Variants in HLF observed in about 807,000 individuals in gnomAD.
HLF encodes hepatic leukemia factor.
Under a neutral mutation model 22.6 loss-of-function variants are expected in HLF, and 3 were observed. The ratio of observed to expected loss-of-function variants is 0.13; its 90% CI spans 0.06 to 0.34. The LOEUF is 0.34. Among genes scored for constraint, HLF ranks in the 10% least tolerant of loss-of-function variants. The pLI is 1.00. For synonymous variants in HLF, 151 were observed against 151.8 expected (o/e 0.99, Z 0.04); for missense variants, 299 against 389.2 (o/e 0.77, Z 1.95).
chr17:55,267,790 A>G lies in HLF; in HGVS notation c.155A>G (p.Asp52Gly). The change falls in exon 2 of 4, where the codon GAT (aspartate) becomes GGT (glycine). Residue 52 changes from aspartate (D) to glycine (G), a missense_variant. Asp to Gly is a moderately conservative substitution (Grantham distance 94). Transcript: ENST00000226067. Reference protein sequence around the residue: ...KDKDKEKKLDDESNSPTVPQS... With the variant: ...KDKDKEKKLDGESNSPTVPQS... ...AAAGACAAGGAAAAGAAGCTGGATG[A>G]TGAGAGTAACAGCCCGACGGTCCCC... 6.3e-7 allele frequency: 1 copy of G among 1,599,382 alleles called. No individual in the cohort carries two copies. The highest frequency in any genetic ancestry group is 8.6e-7 in the Non-Finnish European group (1 of 1,168,198).
intron 2 of HLF, among the ~76,000 whole-genome samples, chr17:55,304,172 T>C (rs995398687): frequency 2.6e-5 from 4 of 152,172 alleles, no homozygotes; most frequent in African/African-American, 9.7e-5. Context: ...CTGGTCACCC[T>C]ATGATATTTC....
At chr17:55,298,696 C>T (rs776089756) in intron 2 of HLF, among the ~76,000 whole-genome samples, 9 of 152,088 alleles carry the variant, frequency 5.9e-5, no homozygotes, top group Non-Finnish European at 1.3e-4. Flanking sequence ...TGAAAATTTA[C>T]CTACTTCTCC....
rs1598384766 is a variant in HLF, at chr17:55,267,862, A to T, written c.227A>T (p.Tyr76Phe). ...ACCTTATGGGACAAAACCCTTCCCT[A>T]TGACGGAGATACTTTCCAGTTGGAA... Reference protein sequence around the residue: ...GPTLWDKTLPYDGDTFQLEYM... With the variant: ...GPTLWDKTLPFDGDTFQLEYM... Residue 76 changes from tyrosine (Y) to phenylalanine (F), a missense_variant, in exon 2 of 4, where the codon TAT becomes TTT. Physicochemically the swap from Tyr to Phe is conservative, Grantham distance 22 (BLOSUM62 3). Coordinates refer to ENST00000226067, the MANE Select transcript of HLF (RefSeq NM_002126.5). 1.2e-6 allele frequency: 2 copies of T among 1,614,116 alleles called. No individual in the cohort carries two copies. Among genetic ancestry groups the T allele is most frequent in the Non-Finnish European group, 1.7e-6 (2 of 1,180,004 alleles).
intron 2 of HLF, among the ~76,000 whole-genome samples, chr17:55,279,728 G>A (rs777456971): frequency 2.0e-5 from 3 of 152,164 alleles, no homozygotes; most frequent in East Asian, 1.9e-4. Flanking sequence ...CCACAAGTGC[G>A]TATTAGTGAA....
intron 2 of HLF, among the ~76,000 whole-genome samples, 178 bp from the exon 3 acceptor site, chr17:55,315,049 A>G (rs1905008098): frequency 6.6e-6 from 1 of 152,246 alleles, no homozygotes; most frequent in East Asian, 1.9e-4. Flanking sequence ...ACGTGAGTCA[A>G]GTCATACTCA....
Position 55,287,047 on chromosome 17 carries a change from C to T in HLF, c.451+18961C>T, listed in dbSNP as rs542821481. ...CTTTAAAAATAATGCCAAGTTCTCA[C>T]GTGGCTGGTAGATGCATTAGCTCAA... On this transcript the variant is annotated intron_variant, in intron 2 of 3. Transcript: ENST00000226067. Among the ~76,000 whole-genome samples, 109 of 152,296 alleles carry T rather than the reference C, an allele frequency of 7.2e-4. 1 individual carries two copies. Among genetic ancestry groups the T allele is most frequent in the Middle Eastern group, 3.4e-3 (1 of 294 alleles).
chr17:55,317,397 C>T (rs932353703), intron 3 of HLF, among the ~76,000 whole-genome samples: 1 of 152,220 alleles, frequency 6.6e-6, no homozygotes, highest in African/African-American at 2.4e-5. Flanking sequence ...TCCAGCCAGA[C>T]TTTCACAAAG....
chr17:55,298,704 TC>T (rs34106906), intron 2 of HLF, among the ~76,000 whole-genome samples: 242 of 152,326 alleles, frequency 1.6e-3, no homozygotes, highest in African/African-American at 5.4e-3. Flanking sequence ...TACCTACTTC[TC>T]CCTACCAACA....
Position 55,267,843 on chromosome 17 carries a change from T to A in HLF, c.208T>A (p.Trp70Arg). The part of the protein sequence containing the change: ...PQSAFLGPTL[W>R]DKTLPYDGDT... ...GTCGGCATTCCTGGGGCCTACCTTA[T>A]GGGACAAAACCCTTCCCTATGACGG... The change falls in exon 2 of 4, where the codon TGG becomes AGG. Residue 70 changes from tryptophan (W) to arginine (R), a missense_variant. Physicochemically the swap from Trp to Arg is moderately radical, Grantham distance 101 (BLOSUM62 -3). Transcript: ENST00000226067. 1 of 1,614,116 alleles carries A rather than the reference T, an allele frequency of 6.2e-7. No homozygotes were observed. Among genetic ancestry groups the A allele is most frequent in the Non-Finnish European group, 8.5e-7 (1 of 1,179,992 alleles).
At position 55,321,292 on chromosome 17, in the gene HLF, T is replaced by C. The variant is rs1905254487; in HGVS notation, c.*413T>C. ...TGCTTGGATTCACTAAAAAGGGCCCTGGTAAAATAGTGGATCTCAGTTTTT... is the reference window on the plus strand; with the variant it reads ...TGCTTGGATTCACTAAAAAGGGCCCCGGTAAAATAGTGGATCTCAGTTTTT... On this transcript the variant is annotated 3_prime_UTR_variant, in exon 4 of 4. Transcript: ENST00000226067. The C allele has an allele frequency of 1.2e-5, 3 of 252,824 alleles. No homozygotes were observed. Among genetic ancestry groups the C allele is most frequent in the African/African-American group, 4.4e-5 (2 of 45,810 alleles). 15.7% of individuals were successfully genotyped at this position (252,824 alleles called of 1,614,324 possible). A position where few individuals can be genotyped will look rare whatever the true frequency, so the allele number is the denominator to read the frequency against.
chr17:55,316,582 A>C (rs1048553048), intron 3 of HLF, among the ~76,000 whole-genome samples: 27 of 152,236 alleles, frequency 1.8e-4, no homozygotes, highest in Non-Finnish European at 5.9e-5. Flanking sequence ...TTAGAGATTC[A>C]TTTGTCCAAA....
At chr17:55,297,986 G>A (rs1054674749) in intron 2 of HLF, among the ~76,000 whole-genome samples, 7 of 151,936 alleles carry the variant, frequency 4.6e-5, no homozygotes, top group African/African-American at 9.7e-5. Flanking sequence ...CTGACCTCAG[G>A]TTATGTGCCT....
At chr17:55,301,277 G>A (rs565420312) in intron 2 of HLF, among the ~76,000 whole-genome samples, 59 of 152,352 alleles carry the variant, frequency 3.9e-4, no homozygotes, top group African/African-American at 1.3e-3. Context: ...TGCTTTTAAA[G>A]TTTGGGTTTT....
chr17:55,300,384 G>A (rs2145347874), intron 2 of HLF, among the ~76,000 whole-genome samples: 1 of 152,184 alleles, frequency 6.6e-6, no homozygotes, highest in African/African-American at 2.4e-5. Context: ...CTTGTTCTGT[G>A]TGCTCTCCTG....
chr17:55,291,220 T>C (rs922470056), intron 2 of HLF, among the ~76,000 whole-genome samples: 3 of 152,142 alleles, frequency 2.0e-5, no homozygotes, highest in African/African-American at 7.2e-5. Flanking sequence ...AACAACAGAG[T>C]TTCAATATAG....
intron 2 of HLF, among the ~76,000 whole-genome samples, chr17:55,275,940 A>G (rs2080900725): frequency 6.6e-6 from 1 of 152,060 alleles, no homozygotes; most frequent in Admixed American, 6.6e-5. Flanking sequence ...CATCTCTACA[A>G]AATATTTTTT....
chr17:55,284,699 A>G (rs1285863762), intron 2 of HLF, among the ~76,000 whole-genome samples: 1 of 152,140 alleles, frequency 6.6e-6, no homozygotes, highest in Non-Finnish European at 1.5e-5. Flanking sequence ...AAACTTCTGC[A>G]TTCTCCAGCA....
At chr17:55,274,718 A>C (rs1450560427) in intron 2 of HLF, among the ~76,000 whole-genome samples, 1 of 152,220 alleles carries the variant, frequency 6.6e-6, no homozygotes, top group Non-Finnish European at 1.5e-5. Context: ...GGAACTTTGG[A>C]ATAATCATTG....
chr17:55,294,532 G>A lies in HLF; in HGVS notation c.452-20695G>A, dbSNP rs1277932603. ...GCACAGGGCATGTAGCTAGCACTTG[G>A]TAAATATTAGTTTCCTTCCCCTTTC... On this transcript the variant is annotated intron_variant, in intron 2 of 3. Transcript: ENST00000226067. Among the ~76,000 whole-genome samples, 17 of 152,220 alleles carry A rather than the reference G, an allele frequency of 1.1e-4. 1 individual carries two copies. Among genetic ancestry groups the A allele is most frequent in the Non-Finnish European group, 2.1e-4 (14 of 68,044 alleles).
Sources: gnomAD v4.1 joint callset for allele counts (sites outside exome capture counted in the v4.1 genomes callset) on GRCh38, gnomAD v4.1.1 for gene constraint, MANE v1.5 for transcripts, NCBI Gene and HGNC (gene_info 2026-07-23, HGNC 2026-07-21) for gene names.